Variants in NRXN3 observed in about 807,000 individuals in gnomAD.
NRXN3 encodes neurexin III.
Under a neutral mutation model 137.6 loss-of-function variants are expected in NRXN3, and 32 were observed. The observed-to-expected ratio is 0.23, with a 90% CI of 0.18 to 0.31. NRXN3 has a LOEUF of 0.31. Ranked by LOEUF, NRXN3 falls within the 10% of genes least tolerant of loss-of-function variation. The pLI, the probability that NRXN3 is intolerant of heterozygous loss-of-function variation, is 1.00. For synonymous variants in NRXN3, 798 were observed against 784.5 expected (o/e 1.02, Z -0.29); for missense variants, 1,574 against 2,062.5 (o/e 0.76, Z 4.59).
At chr14:79,410,487 CTAGAGAACT>C (rs1485310798) in intron 15 of NRXN3, among the ~76,000 whole-genome samples, 2 of 150,032 alleles carry the variant, frequency 1.3e-5, no homozygotes, top group African/African-American at 2.5e-5. Context: ...TTCAGATCTA[CTAGAGAACT>C]TAAAGCTTTT....
intron 4 of NRXN3, among the ~76,000 whole-genome samples, chr14:78,314,302 A>G (rs940863111): frequency 6.6e-6 from 1 of 152,220 alleles, no homozygotes; most frequent in Admixed American, 6.5e-5. Context: ...TATATTACTC[A>G]GGGCAGGCTA....
chr14:78,405,506 C>T (rs1409255457), intron 4 of NRXN3, among the ~76,000 whole-genome samples: 1 of 151,798 alleles, frequency 6.6e-6, no homozygotes, highest in African/African-American at 2.4e-5. Context: ...TATCACTGAT[C>T]ATTCCCTCCT....
intron 4 of NRXN3, among the ~76,000 whole-genome samples, chr14:78,466,374 G>T (rs1010950360): frequency 2.6e-5 from 4 of 152,146 alleles, no homozygotes; most frequent in African/African-American, 9.7e-5. Flanking sequence ...TTTTGATAGG[G>T]GTCTGGGCAT....
At chr14:78,412,391 A>G (rs2092885264) in intron 4 of NRXN3, among the ~76,000 whole-genome samples, 1 of 152,134 alleles carries the variant, frequency 6.6e-6, no homozygotes, top group South Asian at 2.1e-4. Flanking sequence ...CTTGTGGTGT[A>G]CTAAGGCACT....
intron 4 of NRXN3, among the ~76,000 whole-genome samples, chr14:78,483,053 GCT>G (rs1478998919): frequency 1.3e-5 from 2 of 152,022 alleles, no homozygotes; most frequent in Non-Finnish European, 2.9e-5. Flanking sequence ...TTTTGAGCAT[GCT>G]CTGTTTTATT....
intron 1 of NRXN3, among the ~76,000 whole-genome samples, chr14:78,220,820 AAGTG>A (rs2063774460): frequency 1.3e-5 from 2 of 151,994 alleles, no homozygotes; most frequent in South Asian, 4.2e-4. Flanking sequence ...GTAGGAGAGA[AAGTG>A]AGTAGCCAGA....
At chr14:79,491,187 G>T (rs1191475175) in intron 16 of NRXN3, among the ~76,000 whole-genome samples, 1 of 152,120 alleles carries the variant, frequency 6.6e-6, no homozygotes, top group African/African-American at 2.4e-5. Context: ...GAGGTTAAGT[G>T]ACTTGCCACC....
At chr14:78,927,960 C>A (rs1022209752) in intron 10 of NRXN3, among the ~76,000 whole-genome samples, 1 of 152,102 alleles carries the variant, frequency 6.6e-6, no homozygotes, top group Non-Finnish European at 1.5e-5. Flanking sequence ...AGCTTATCTG[C>A]CCATGCTCAA....
chr14:79,129,641 A>G (rs1275088587), intron 15 of NRXN3, among the ~76,000 whole-genome samples: 1 of 134,948 alleles, frequency 7.4e-6, no homozygotes, highest in Non-Finnish European at 1.6e-5. Context: ...GTGCTGAAAA[A>G]AATGTCTATT....
chr14:78,715,270 T>A, intron 8 of NRXN3, 131 bp downstream of exon 8: 1 of 1,172,868 alleles, frequency 8.5e-7, no homozygotes, highest in East Asian at 2.5e-5. Context: ...GGTTTACTGA[T>A]TTCCAGATTG....
At chr14:79,155,581 C>T (rs1005652089) in intron 15 of NRXN3, among the ~76,000 whole-genome samples, 1 of 151,268 alleles carries the variant, frequency 6.6e-6, no homozygotes, top group South Asian at 2.1e-4. Flanking sequence ...AATGAAAAGT[C>T]GGTATTACTT....
intron 16 of NRXN3, among the ~76,000 whole-genome samples, chr14:79,482,462 A>G (rs142819935): frequency 3.3e-5 from 5 of 152,304 alleles, no homozygotes; most frequent in Non-Finnish European, 5.9e-5. Context: ...ATCTGGTTCT[A>G]TTTCTACCAC....
chr14:78,804,920 T>C (rs941884172), intron 9 of NRXN3, among the ~76,000 whole-genome samples: 3 of 152,230 alleles, frequency 2.0e-5, no homozygotes, highest in African/African-American at 7.2e-5. Context: ...GATACAGTGA[T>C]ACCTTATAAA....
Position 78,184,253 on chromosome 14 carries a change from C to T in NRXN3, c.-704+13579C>T, listed in dbSNP as rs146566707. The stretch of plus-strand genomic sequence containing the variant: ...ACTCATTTAACAAGTACTAATTGAG[C>T]GCCCGCTCGATGCCAGGCACTGGAA... On this transcript the variant is annotated intron_variant, in intron 1 of 20. Transcript: ENST00000335750. Among the ~76,000 whole-genome samples the T allele has an allele frequency of 1.6e-3, 245 of 152,302 alleles. 4 individuals carry two copies. The highest frequency in any genetic ancestry group is 9.1e-3 in the Admixed American group (139 of 15,298).
At chr14:78,473,262 C>T (rs1014231357) in intron 4 of NRXN3, among the ~76,000 whole-genome samples, 16 of 151,846 alleles carry the variant, frequency 1.1e-4, no homozygotes, top group Middle Eastern at 3.4e-3. Context: ...ATTAGCTGGG[C>T]GTGGTGGCGG....
chr14:78,219,396 A>T (rs2063607200), intron 1 of NRXN3, among the ~76,000 whole-genome samples: 1 of 152,204 alleles, frequency 6.6e-6, no homozygotes, highest in African/African-American at 2.4e-5. Flanking sequence ...GCCACTGTTG[A>T]GAAACCTCAT....
chr14:79,192,279 A>T (rs1208496311), intron 15 of NRXN3, among the ~76,000 whole-genome samples: 7 of 152,214 alleles, frequency 4.6e-5, no homozygotes, highest in Non-Finnish European at 7.3e-5. Flanking sequence ...TAGGAATAAT[A>T]ATAGTGCCTT....
intron 15 of NRXN3, among the ~76,000 whole-genome samples, chr14:79,380,166 T>G (rs1447496840): frequency 7.0e-6 from 1 of 142,172 alleles, no homozygotes; most frequent in Non-Finnish European, 1.5e-5. Flanking sequence ...TTTTTTTTTT[T>G]TGGTAGATAT....
At chr14:79,741,970 C>G (rs954416985) in intron 19 of NRXN3, among the ~76,000 whole-genome samples, 24 of 152,208 alleles carry the variant, frequency 1.6e-4, no homozygotes, top group African/African-American at 5.3e-4. Flanking sequence ...TATAAAACAC[C>G]AGTTCACAGG....
Sources: allele counts gnomAD v4.1 joint callset (sites outside exome capture counted in the v4.1 genomes callset), GRCh38; gene constraint gnomAD v4.1.1; transcripts MANE v1.5; gene names NCBI Gene and HGNC (gene_info 2026-07-23, HGNC 2026-07-21).